The following RPSA2 variants were observed in gnomAD, a reference collection of about 807,000 sequenced individuals.
RPSA2 encodes the protein ribosomal protein SA 2, also known as small ribosomal subunit protein uS2B.
At chr19:23,808,353 TC>T in the RPSA2 span, among the ~76,000 whole-genome samples, 2 of 147,984 alleles carry the variant, frequency 1.4e-5, no homozygotes, top group African/African-American at 5.0e-5. Flanking sequence ...CACTGCAACT[TC>T]CGCCTCCCAG....
the RPSA2 span, among the ~76,000 whole-genome samples, chr19:23,798,685 T>C: frequency 6.6e-6 from 1 of 152,304 alleles, no homozygotes; most frequent in South Asian, 2.1e-4. Context: ...TCCAAAGAAA[T>C]TTTACTACCA....
At chr19:23,859,696 A>G in the RPSA2 span, among the ~76,000 whole-genome samples, 8 of 152,156 alleles carry the variant, frequency 5.3e-5, no homozygotes, top group African/African-American at 7.2e-5. Flanking sequence ...TTAACTTTTT[A>G]CTGATTCATA....
the RPSA2 span, among the ~76,000 whole-genome samples, chr19:23,835,871 T>G: frequency 6.6e-6 from 1 of 152,120 alleles, no homozygotes; most frequent in African/African-American, 2.4e-5. Flanking sequence ...TGACCTCAGG[T>G]GATCCATCCA....
the RPSA2 span, among the ~76,000 whole-genome samples, chr19:23,773,326 C>G: frequency 6.6e-6 from 1 of 151,630 alleles, no homozygotes; most frequent in South Asian, 2.1e-4. Flanking sequence ...CACTGTCACC[C>G]AGGCTGGAGT....
chr19:23,761,261 G>T, the RPSA2 span, among the ~76,000 whole-genome samples: 33 of 151,984 alleles, frequency 2.2e-4, 1 homozygote, highest in African/African-American at 7.2e-4. Context: ...CTAAATTTTT[G>T]TAGAGACTGA....
At chr19:23,866,317 C>T in the RPSA2 span, among the ~76,000 whole-genome samples, 1 of 152,186 alleles carries the variant, frequency 6.6e-6, no homozygotes. Context: ...AAATGCTTAC[C>T]ATAGCTCTAG....
chr19:23,800,803 G>C, the RPSA2 span, among the ~76,000 whole-genome samples: 2 of 152,038 alleles, frequency 1.3e-5, no homozygotes, highest in African/African-American at 4.8e-5. Flanking sequence ...AGTAGAGACA[G>C]GGTTTTTCCA....
the RPSA2 span, among the ~76,000 whole-genome samples, chr19:23,845,907 A>G: frequency 6.6e-6 from 1 of 152,200 alleles, no homozygotes; most frequent in East Asian, 1.9e-4. Flanking sequence ...TTATTCTACT[A>G]TGGTCTAAGT....
the RPSA2 span, among the ~76,000 whole-genome samples, chr19:23,860,555 C>T: frequency 2.6e-5 from 4 of 152,204 alleles, no homozygotes; most frequent in South Asian, 6.2e-4. Context: ...AGTTCTAGAG[C>T]CTGGTACCAG....
At chr19:23,870,223 C>T in the RPSA2 span, among the ~76,000 whole-genome samples, 2 of 152,306 alleles carry the variant, frequency 1.3e-5, no homozygotes, top group East Asian at 3.9e-4. Flanking sequence ...TGTAGCTTTG[C>T]ATAGTTCTGT....
the RPSA2 span, among the ~76,000 whole-genome samples, chr19:23,822,444 A>G: frequency 4.0e-5 from 6 of 151,694 alleles, no homozygotes; most frequent in Non-Finnish European, 8.8e-5. Context: ...ATTGTGCATT[A>G]GGAAGATAGA....
At chr19:23,785,164 G>A in the RPSA2 span, among the ~76,000 whole-genome samples, 1 of 152,158 alleles carries the variant, frequency 6.6e-6, no homozygotes, top group Admixed American at 6.5e-5. Context: ...GCCCTCAGGT[G>A]GCATTGTGAC....
the RPSA2 span, among the ~76,000 whole-genome samples, chr19:23,793,757 G>A: frequency 6.6e-6 from 1 of 152,002 alleles, no homozygotes; most frequent in Non-Finnish European, 1.5e-5. Context: ...GTAGGGACAG[G>A]ATTTCACCAT....
At chr19:23,850,215 G>T in the RPSA2 span, among the ~76,000 whole-genome samples, 2 of 150,040 alleles carry the variant, frequency 1.3e-5, no homozygotes, top group African/African-American at 4.9e-5. Flanking sequence ...AATAAGTGGA[G>T]GAAAAGGCAC....
the RPSA2 span, chr19:23,833,147 A>G: frequency 8.3e-7 from 1 of 1,199,768 alleles, no homozygotes; most frequent in Non-Finnish European, 1.1e-6. Context: ...TACAAATGGG[A>G]AGAATGTGCC....
the RPSA2 span, among the ~76,000 whole-genome samples, chr19:23,766,820 G>A: frequency 6.7e-6 from 1 of 149,274 alleles, no homozygotes; most frequent in East Asian, 2.0e-4. Context: ...GTGCAGTGTC[G>A]TTATCTTGGC....
At chr19:23,842,284 A>G in the RPSA2 span, among the ~76,000 whole-genome samples, 1 of 152,204 alleles carries the variant, frequency 6.6e-6, no homozygotes, top group Non-Finnish European at 1.5e-5. Flanking sequence ...AACTGTATAT[A>G]CTTGTGTTTA....
chr19:23,852,878 G>A, the RPSA2 span, among the ~76,000 whole-genome samples: 1 of 152,220 alleles, frequency 6.6e-6, no homozygotes, highest in Admixed American at 6.5e-5. Flanking sequence ...TTTATCAACT[G>A]CCATTCCTAA....
chr19:23,763,627 C>A, the RPSA2 span, among the ~76,000 whole-genome samples: 1 of 152,158 alleles, frequency 6.6e-6, no homozygotes, highest in African/African-American at 2.4e-5. Flanking sequence ...CGCCACCCCG[C>A]CTGGCTAATT....
Sources: gnomAD v4.1 joint callset for allele counts (sites outside exome capture counted in the v4.1 genomes callset) on GRCh38, gnomAD v4.1.1 for gene constraint, MANE v1.5 for transcripts, NCBI Gene and HGNC (gene_info 2026-07-23, HGNC 2026-07-21) for gene names.